Variants in XDH observed in about 807,000 individuals in gnomAD.
XDH encodes the protein xanthine dehydrogenase/oxidase.
Under a neutral mutation model 156.1 loss-of-function variants are expected in XDH, and 138 were observed. The observed-to-expected ratio is 0.88, with a 90% CI of 0.77 to 1.02. The LOEUF (loss-of-function observed/expected upper bound fraction) is 1.02, where lower values mean the gene tolerates loss of function less well. XDH is among the 50% of genes least tolerant of loss of function. The pLI is 0.00. For synonymous variants in XDH, 669 were observed against 625.7 expected, an observed-to-expected ratio of 1.07 and a Z score of -1.03; for missense variants, 1,849 against 1,684.9, an observed-to-expected ratio of 1.10 and a Z score of -1.71.
At position 31,379,982 on chromosome 2, in the gene XDH, C is replaced by G. The variant is rs1215470268; in HGVS notation, c.1133-6G>C. Reference sequence around the variant, plus strand: ...CTGGACAGTTCTCCTGGTGCCTGTACAGAAGCAAGATGAAGAGGAGCCAAA... The same window carrying G: ...CTGGACAGTTCTCCTGGTGCCTGTAGAGAAGCAAGATGAAGAGGAGCCAAA... On this transcript the variant is annotated splice_region_variant and splice_polypyrimidine_tract_variant and intron_variant, in intron 12 of 35. Transcript: ENST00000379416. 4.3e-6 allele frequency: 7 copies of G among 1,613,590 alleles called. No homozygotes were observed. Among genetic ancestry groups the G allele is most frequent in the African/African-American group, 1.3e-5 (1 of 74,904 alleles).
intron 11 of XDH, among the ~76,000 whole-genome samples, chr2:31,382,691 G>C (rs1017227732): frequency 6.6e-6 from 1 of 152,186 alleles, no homozygotes; most frequent in Non-Finnish European, 1.5e-5. Context: ...GAAGGGGGAG[G>C]GAGGCAGGAA....
At chr2:31,379,550 C>T (rs1415619438) in intron 13 of XDH, among the ~76,000 whole-genome samples, 2 of 152,134 alleles carry the variant, frequency 1.3e-5, no homozygotes, top group African/African-American at 2.4e-5. Flanking sequence ...CACAATAACC[C>T]GTATAGTAAG....
At position 31,386,415 on chromosome 2, in the gene XDH, A is replaced by T; in HGVS notation, c.792T>A (p.Ile264=). The T allele has an allele frequency of 6.2e-7, 1 of 1,612,882 alleles. No homozygotes were observed. Among genetic ancestry groups the T allele is most frequent in the South Asian group, 1.1e-5 (1 of 91,038 alleles). Residue 264 remains isoleucine, a splice_region_variant and synonymous_variant, in exon 9 of 36, where the codon ATT becomes ATA. Coordinates refer to ENST00000379416, the MANE Select transcript of XDH (RefSeq NM_000379.4). ...CAGGGCAGCCTCCCTGGCCCTTACC[A>T]ATCTCCGTGTTCCCCACGACCAGCT... ...DAKLVVGNTE[I]GIEMKFKNML... is the part of the protein sequence containing the mutation.
chr2:31,385,100 G>C (rs1464444415), intron 9 of XDH, among the ~76,000 whole-genome samples: 1 of 152,160 alleles, frequency 6.6e-6, no homozygotes, highest in Non-Finnish European at 1.5e-5. Context: ...TTGAGGCTGG[G>C]GTGGGGGACC....
chr2:31,385,609 A>G (rs530128079), intron 9 of XDH, among the ~76,000 whole-genome samples: 4 of 152,338 alleles, frequency 2.6e-5, no homozygotes, highest in African/African-American at 7.2e-5. Flanking sequence ...GGGATCCAGC[A>G]AAGTAGAAAT....
At position 31,335,937 on chromosome 2, in the gene XDH, A is replaced by C. The variant is rs765215421; in HGVS notation, c.*21T>G. Reference sequence around the variant, plus strand: ...GGAAGCCCAAAGGCAGCACAAGAAGACTCTGCTGAGGACTCTCTCTTTAGA... The same window carrying C: ...GGAAGCCCAAAGGCAGCACAAGAAGCCTCTGCTGAGGACTCTCTCTTTAGA... On this transcript the variant is annotated 3_prime_UTR_variant, in exon 36 of 36. Coordinates refer to ENST00000379416, the MANE Select transcript of XDH (RefSeq NM_000379.4). 5.6e-6 allele frequency: 9 copies of C among 1,613,842 alleles called. No individual in the cohort carries two copies. Among genetic ancestry groups the C allele is most frequent in the Non-Finnish European group, 7.6e-6 (9 of 1,179,826 alleles).
chr2:31,339,281 T>G (rs1350077148), intron 34 of XDH, among the ~76,000 whole-genome samples: 2 of 152,122 alleles, frequency 1.3e-5, no homozygotes, highest in African/African-American at 4.8e-5. Context: ...CATACTAAGG[T>G]GCTCTCCTCA....
chr2:31,388,193 C>T, intron 7 of XDH, 34 bp downstream of exon 7: 1 of 1,612,228 alleles, frequency 6.2e-7, no homozygotes, highest in South Asian at 1.1e-5. Flanking sequence ...CTCAGATTAC[C>T]CCCAGGCTTC....
intron 24 of XDH, among the ~76,000 whole-genome samples, chr2:31,359,538 T>C (rs902286343): frequency 1.3e-5 from 2 of 152,184 alleles, no homozygotes; most frequent in African/African-American, 2.4e-5. Context: ...CAAACATATA[T>C]TAATGGCTAT....
Position 31,337,827 on chromosome 2 carries a change from G to T in XDH, c.3775-10C>A, listed in dbSNP as rs761159390. The T allele has an allele frequency of 1.2e-6, 2 of 1,613,752 alleles. No homozygotes were observed. Among genetic ancestry groups the T allele is most frequent in the South Asian group, 1.1e-5 (1 of 90,972 alleles). On this transcript the variant is annotated splice_polypyrimidine_tract_variant and intron_variant, in intron 34 of 35. Coordinates refer to ENST00000379416, the MANE Select transcript of XDH (RefSeq NM_000379.4). Reference sequence around the variant, plus strand: ...GCGGCTCTCCAACAGCCTGAACACAGACAGGGCACAGGGCAGGGGCTCAGG... The same window carrying T: ...GCGGCTCTCCAACAGCCTGAACACATACAGGGCACAGGGCAGGGGCTCAGG...
intron 22 of XDH, 126 bp from the exon 23 acceptor site, chr2:31,365,670 G>C (rs1685894866): frequency 8.6e-7 from 1 of 1,167,220 alleles, no homozygotes; most frequent in African/African-American, 1.5e-5. Flanking sequence ...CCTGTACAGG[G>C]CTGCTTTGCC....
At chr2:31,357,595 A>G (rs1008926679) in intron 24 of XDH, among the ~76,000 whole-genome samples, 5 of 152,052 alleles carry the variant, frequency 3.3e-5, no homozygotes, top group African/African-American at 1.2e-4. Context: ...TAATACATAT[A>G]AAAATATAGT....
At position 31,341,324 on chromosome 2, in the gene XDH, C is replaced by T. The variant is rs1443318011; in HGVS notation, c.3585+5G>A. The T allele has an allele frequency of 3.2e-6, 5 of 1,567,636 alleles. No individual in the cohort carries two copies. The East Asian group carries it at 1.2e-4, about 37-fold the overall frequency. ...TGTCACCACCCTGGTCCCACTGAGC[C>T]TCACCTGTCCAATATCAATGGCAGG... On this transcript the variant is annotated splice_donor_5th_base_variant and intron_variant, in intron 33 of 35. Coordinates refer to ENST00000379416, the MANE Select transcript of XDH (RefSeq NM_000379.4).
At chr2:31,409,221 G>C (rs1687278001) in intron 1 of XDH, among the ~76,000 whole-genome samples, 1 of 151,912 alleles carries the variant, frequency 6.6e-6, no homozygotes, top group Admixed American at 6.6e-5. Context: ...ACCTAGTGTT[G>C]GATAACACAA....
At chr2:31,401,378 A>G (rs770254347) in intron 3 of XDH, 50 bp from the exon 4 acceptor site, 14 of 1,589,180 alleles carry the variant, frequency 8.8e-6, no homozygotes, top group Non-Finnish European at 1.0e-5. Flanking sequence ...TCAGATCATC[A>G]GAATGGGCCT....
At chr2:31,383,664 TG>T in intron 10 of XDH, 90 bp downstream of exon 10, 1 of 1,250,448 alleles carries the variant, frequency 8.0e-7, no homozygotes, top group Non-Finnish European at 1.1e-6. Flanking sequence ...CCAGAGCCAG[TG>T]GGGAGACCAC....
chr2:31,383,577 T>C (rs149527471), intron 10 of XDH, among the ~76,000 whole-genome samples, 178 bp downstream of exon 10: 77 of 150,398 alleles, frequency 5.1e-4, no homozygotes, highest in Non-Finnish European at 9.9e-4. Flanking sequence ...CACCCTACCA[T>C]GGATGTTTCA....
intron 30 of XDH, among the ~76,000 whole-genome samples, chr2:31,345,123 G>T (rs1488109916): frequency 6.6e-6 from 1 of 152,086 alleles, no homozygotes; most frequent in Non-Finnish European, 1.5e-5. Context: ...GCACACGAGG[G>T]CCACCCCAGC....
At chr2:31,359,240 TA>T (rs1049450073) in intron 24 of XDH, among the ~76,000 whole-genome samples, 1 of 152,074 alleles carries the variant, frequency 6.6e-6, no homozygotes, top group South Asian at 2.1e-4. Context: ...ATTTCTTTTT[TA>T]AAAAAAATCA....
Sources: allele counts gnomAD v4.1 joint callset (sites outside exome capture counted in the v4.1 genomes callset), GRCh38; gene constraint gnomAD v4.1.1; transcripts MANE v1.5; gene names NCBI Gene and HGNC (gene_info 2026-07-23, HGNC 2026-07-21).